RASGRP1: variants seen among roughly 807,000 people sequenced by gnomAD.
The protein encoded by RASGRP1 is RAS guanyl releasing protein 1.
In RASGRP1, 37 loss-of-function variants were observed where a neutral mutation model predicts 95.1. The observed-to-expected ratio is 0.39, with a 90% confidence interval of 0.30 to 0.51. The LOEUF (loss-of-function observed/expected upper bound fraction) is 0.51. RASGRP1 is among the 20% of genes least tolerant of loss of function. The pLI is 0.80. For synonymous variants in RASGRP1, 325 were observed against 353.4 expected (o/e 0.92, Z 0.90); for missense variants, 711 against 965.4 (o/e 0.74, Z 3.49).
At chr15:38,513,218 A>G (rs1375342869) in intron 6 of RASGRP1, among the ~76,000 whole-genome samples, 1 of 152,224 alleles carries the variant, frequency 6.6e-6, no homozygotes, top group East Asian at 1.9e-4. Flanking sequence ...CACATTAGTT[A>G]ATCCAAATGC....
chr15:38,499,307 C>T (rs540841218), intron 14 of RASGRP1: 1 of 378,672 alleles, frequency 2.6e-6, no homozygotes, highest in Non-Finnish European at 5.1e-6. Flanking sequence ...TCCTCTCTTT[C>T]ACTCCTGAAT....
At chr15:38,545,981 C>G (rs150057102) in intron 2 of RASGRP1, among the ~76,000 whole-genome samples, 1 of 152,252 alleles carries the variant, frequency 6.6e-6, no homozygotes, top group Non-Finnish European at 1.5e-5. Context: ...CTCTTCTAGT[C>G]TCATAGCTGT....
At chr15:38,512,979 AAC>A in intron 6 of RASGRP1, 23 bp from the exon 7 acceptor site, 1 of 1,482,290 alleles carries the variant, frequency 6.7e-7, no homozygotes. Flanking sequence ...AAACAACAAC[AAC>A]AAAAAAAACC....
At position 38,488,638 on chromosome 15, in the gene RASGRP1, A is replaced by G. The variant is rs1013741604; in HGVS notation, c.*1916T>C. On this transcript the variant is annotated 3_prime_UTR_variant, in exon 17 of 17. Transcript: ENST00000310803. ...AATCCCTATAGATTATTTATATAAA[A>G]ACTAACTGGGGATCTTTACTTCGAA... is the stretch of plus-strand genomic sequence containing the variant. The G allele has an allele frequency of 6.6e-6, 1 of 152,010 alleles. No individual in the cohort carries two copies. The highest frequency in any genetic ancestry group is 2.4e-5 in the African/African-American group (1 of 41,430). 9.4% of individuals were successfully genotyped at this position (152,010 alleles called of 1,614,324 possible).
At chr15:38,524,784 G>C (rs1468591373) in intron 3 of RASGRP1, among the ~76,000 whole-genome samples, 1 of 152,196 alleles carries the variant, frequency 6.6e-6, no homozygotes, top group South Asian at 2.1e-4. Flanking sequence ...ACTTGAATGT[G>C]TTTTAGGCTG....
At chr15:38,539,644 A>T (rs1221871609) in intron 2 of RASGRP1, among the ~76,000 whole-genome samples, 2 of 151,892 alleles carry the variant, frequency 1.3e-5, no homozygotes, top group Non-Finnish European at 2.9e-5. Context: ...ATATGTATAC[A>T]TGTGCCATGC....
intron 3 of RASGRP1, among the ~76,000 whole-genome samples, chr15:38,522,749 G>A (rs1892049192): frequency 1.3e-5 from 2 of 152,130 alleles, no homozygotes; most frequent in Non-Finnish European, 2.9e-5. Context: ...GTGAGGAAGG[G>A]AAAGGGTTTC....
At chr15:38,547,909 TTCTC>T (rs1893165880) in intron 2 of RASGRP1, among the ~76,000 whole-genome samples, 1 of 151,890 alleles carries the variant, frequency 6.6e-6, no homozygotes, top group Non-Finnish European at 1.5e-5. Flanking sequence ...GAGTATTACA[TTCTC>T]TTACTTACTC....
chr15:38,564,463 TCCCGGGACTCCGGCCGA>T (rs1377117411), intron 1 of RASGRP1, 114 bp downstream of exon 1: 2 of 683,840 alleles, frequency 2.9e-6, no homozygotes, highest in Non-Finnish European at 3.8e-6. Context: ...CGCGCTGGTG[TCCCGGGACTCCGGCCGA>T]CCCCGGCCCC....
rs138149065 is a variant in RASGRP1 at position 38,546,800 on chromosome 15, C to T, written c.220+13021G>A. Among the ~76,000 whole-genome samples, 5 of 152,282 alleles carry T rather than the reference C, an allele frequency of 3.3e-5. No homozygotes were observed. The East Asian group carries it at 9.6e-4, about 29-fold the overall frequency. The stretch of plus-strand genomic sequence containing the variant: ...TGGGGAAGACACACGACACTACTGA[C>T]TCATGTTGAATTTACAATCTACTAA... On this transcript the variant is annotated intron_variant, in intron 2 of 16. Coordinates refer to ENST00000310803, the MANE Select transcript of RASGRP1 (RefSeq NM_005739.4).
chr15:38,539,011 C>T (rs781445121), intron 2 of RASGRP1, among the ~76,000 whole-genome samples: 36 of 152,066 alleles, frequency 2.4e-4, no homozygotes, highest in Non-Finnish European at 4.7e-4. Context: ...CACACGTTGC[C>T]TCATCTGAGC....
rs1469056360 is a variant in RASGRP1, at chr15:38,557,571, G to A, written c.220+2250C>T. ...AAACTTACTCTTCCTGCATGCCTTC[G>A]GTATTTATCACCCTGTCCTTTGTAT... On this transcript the variant is annotated intron_variant, in intron 2 of 16. Transcript: ENST00000310803. Among the ~76,000 whole-genome samples, 8 of 150,450 alleles carry A rather than the reference G, an allele frequency of 5.3e-5. No individual in the cohort carries two copies. In the East Asian group the frequency reaches 9.8e-4, roughly 18 times the overall value.
chr15:38,493,146 C>A (rs1205123213), intron 16 of RASGRP1, among the ~76,000 whole-genome samples: 1 of 148,248 alleles, frequency 6.7e-6, no homozygotes, highest in African/African-American at 2.5e-5. Flanking sequence ...TCCCAAAGTG[C>A]TAGGATAACA....
intron 4 of RASGRP1, among the ~76,000 whole-genome samples, chr15:38,518,998 A>T (rs62003618): frequency 0.011 from 1,707 of 152,346 alleles, 20 homozygotes; most frequent in Non-Finnish European, 0.019. Flanking sequence ...ATTCTTTTCT[A>T]CATTTTTAAA....
intron 10 of RASGRP1, among the ~76,000 whole-genome samples, 165 bp downstream of exon 10, chr15:38,505,675 G>C (rs1891225922): frequency 6.6e-6 from 1 of 152,168 alleles, no homozygotes; most frequent in African/African-American, 2.4e-5. Flanking sequence ...CTATTCCTCA[G>C]ACATATGTTG....
chr15:38,503,873 T>A (rs566564023), intron 10 of RASGRP1: 2 of 188,724 alleles, frequency 1.1e-5, no homozygotes, highest in Non-Finnish European at 2.1e-5. Flanking sequence ...AAATGTGTCA[T>A]GAGGTGATTT....
At chr15:38,491,248 G>A (rs1461700371) in intron 16 of RASGRP1, among the ~76,000 whole-genome samples, 1 of 152,132 alleles carries the variant, frequency 6.6e-6, no homozygotes, top group East Asian at 1.9e-4. Context: ...GTGTTCTTAT[G>A]TTATCCTATA....
intron 2 of RASGRP1, among the ~76,000 whole-genome samples, chr15:38,546,835 G>C (rs1485388875): frequency 6.6e-6 from 1 of 152,136 alleles, no homozygotes; most frequent in African/African-American, 2.4e-5. Flanking sequence ...AAATCTCTTG[G>C]TATTGGTCAT....
intron 8 of RASGRP1, among the ~76,000 whole-genome samples, chr15:38,508,497 G>T (rs747155221): frequency 1.3e-5 from 2 of 152,162 alleles, no homozygotes; most frequent in Non-Finnish European, 2.9e-5. Flanking sequence ...TGTATTTTAA[G>T]AGTGGAGCTT....
Sources: gnomAD v4.1 joint callset for allele counts (sites outside exome capture counted in the v4.1 genomes callset) on GRCh38, gnomAD v4.1.1 for gene constraint, MANE v1.5 for transcripts, NCBI Gene and HGNC (gene_info 2026-07-23, HGNC 2026-07-21) for gene names.